Variants in SNCAIP observed in about 807,000 individuals in gnomAD.
The protein encoded by SNCAIP is synphilin-1.
Under a neutral mutation model 86.7 loss-of-function variants are expected in SNCAIP, and 43 were observed. The ratio of observed to expected loss-of-function variants is 0.50; its 90% CI spans 0.39 to 0.64. The LOEUF (loss-of-function observed/expected upper bound fraction) is 0.64. Among genes scored for constraint, SNCAIP ranks in the 30% least tolerant of loss-of-function variants. The probability of loss-of-function intolerance (pLI) is 0.00; values close to 1 mark genes in which losing one functional copy is unlikely to be tolerated. For missense variants in SNCAIP, 981 were observed against 1,103.1 expected, an observed-to-expected ratio of 0.89 and a Z score of 1.57; for synonymous variants, 417 against 427.2, an observed-to-expected ratio of 0.98 and a Z score of 0.29.
At chr5:122,330,403 G>C (rs911738152) in intron 1 of SNCAIP, among the ~76,000 whole-genome samples, 1 of 152,138 alleles carries the variant, frequency 6.6e-6, no homozygotes, top group African/African-American at 2.4e-5. Flanking sequence ...TTACAGGCGT[G>C]AGCCACCGCG....
chr5:122,436,821 T>TTGTTTA (rs1779595564), intron 6 of SNCAIP: 1 of 152,206 alleles, frequency 6.6e-6, no homozygotes, highest in Non-Finnish European at 1.5e-5. Context: ...ATTGCCTCTT[T>TTGTTTA]AAACAACTTG....
intron 10 of SNCAIP, chr5:122,452,987 C>T (rs767384194): frequency 4.1e-5 from 64 of 1,542,610 alleles, no homozygotes; most frequent in African/African-American, 8.2e-5. Flanking sequence ...ATCTGTGTAA[C>T]GACACACGGT....
chr5:122,463,153 T>C (rs1212764772), intron 10 of SNCAIP, among the ~76,000 whole-genome samples: 1 of 152,236 alleles, frequency 6.6e-6, no homozygotes, highest in Non-Finnish European at 1.5e-5. Flanking sequence ...ATTTTGTTTA[T>C]ACTCAGCCAA....
chr5:122,328,957 A>G (rs1293585689), intron 1 of SNCAIP, among the ~76,000 whole-genome samples: 2 of 151,930 alleles, frequency 1.3e-5, no homozygotes, highest in African/African-American at 4.8e-5. Context: ...TACCCTGTCA[A>G]CTCATTTCTC....
chr5:122,440,899 G>A, intron 7 of SNCAIP, 145 bp downstream of exon 7: 1 of 788,438 alleles, frequency 1.3e-6, no homozygotes, highest in South Asian at 1.6e-5. Context: ...CTCTATTTGT[G>A]TTTCCAGAAA....
At chr5:122,381,237 CAT>C (rs1375474237) in intron 1 of SNCAIP, among the ~76,000 whole-genome samples, 1 of 136,662 alleles carries the variant, frequency 7.3e-6, no homozygotes, top group Non-Finnish European at 1.6e-5. Flanking sequence ...GTATTGGGTG[CAT>C]ATATATTTAG....
intron 1 of SNCAIP, among the ~76,000 whole-genome samples, chr5:122,347,350 C>G (rs1177868671): frequency 6.7e-6 from 1 of 149,214 alleles, no homozygotes; most frequent in Non-Finnish European, 1.5e-5. Flanking sequence ...ACCAGCTCTT[C>G]TTTTTTTGAC....
chr5:122,391,244 C>A, intron 2 of SNCAIP, 53 bp downstream of exon 2: 1 of 1,238,766 alleles, frequency 8.1e-7, no homozygotes. Context: ...CCTTCAACTT[C>A]ATAGCCTACT....
At chr5:122,341,049 C>T (rs1334862320) in intron 1 of SNCAIP, among the ~76,000 whole-genome samples, 1 of 152,142 alleles carries the variant, frequency 6.6e-6, no homozygotes, top group Middle Eastern at 3.2e-3. Context: ...CCACCCTTCC[C>T]CTTCTATTCA....
intron 10 of SNCAIP, chr5:122,454,345 G>C (rs533377241): frequency 1.3e-5 from 2 of 152,784 alleles, no homozygotes; most frequent in South Asian, 2.1e-4. Context: ...CCCCTAGGGG[G>C]CTCATTAATT....
intron 5 of SNCAIP, among the ~76,000 whole-genome samples, chr5:122,429,383 C>T (rs572954002): frequency 7.8e-4 from 116 of 149,026 alleles, no homozygotes; most frequent in African/African-American, 2.3e-3. Context: ...TAATAGAGGA[C>T]GTCAATAAAA....
intron 2 of SNCAIP, among the ~76,000 whole-genome samples, chr5:122,400,015 T>C (rs758351207): frequency 4.0e-5 from 6 of 151,730 alleles, no homozygotes; most frequent in African/African-American, 7.3e-5. Context: ...GGGGCAGGGG[T>C]CAGAAAAGAT....
intron 1 of SNCAIP, among the ~76,000 whole-genome samples, chr5:122,330,113 A>ATTTTTTTTTTTTT (rs1387266417): frequency 8.3e-6 from 1 of 120,358 alleles, no homozygotes; most frequent in Non-Finnish European, 1.7e-5. Flanking sequence ...GTACAACTTC[A>ATTTTTTTTTTTTT]TTTCTTTTTT....
chr5:122,323,282 A>G (rs1286542080), intron 1 of SNCAIP: 1 of 152,238 alleles, frequency 6.6e-6, no homozygotes, highest in East Asian at 1.9e-4. Context: ...TAAAAATACA[A>G]TTTAAAAGTC....
intron 2 of SNCAIP, among the ~76,000 whole-genome samples, chr5:122,400,633 A>G (rs1375301813): frequency 1.3e-5 from 2 of 152,226 alleles, no homozygotes; most frequent in Non-Finnish European, 2.9e-5. Context: ...CCAGGGCTTC[A>G]TGGAGAAGCA....
rs557059463 is a variant in SNCAIP at position 122,411,219 on chromosome 5, G to A, written c.130+7354G>A. On this transcript the variant is annotated intron_variant, in intron 3 of 10. Coordinates refer to ENST00000261368, the MANE Select transcript of SNCAIP (RefSeq NM_005460.4). ...CAGAGAGGGACATCCTTTAGGCAGG[G>A]AGGGAAAGAACTGAAACATAGGGAC... Among the ~76,000 whole-genome samples, 107 of 152,308 alleles carry A rather than the reference G, an allele frequency of 7.0e-4. 1 individual carries two copies. The highest frequency in any genetic ancestry group is 2.4e-3 in the African/African-American group (101 of 41,550).
At position 122,408,217 on chromosome 5, in the gene SNCAIP, C is replaced by G. The variant is rs376721597; in HGVS notation, c.130+4352C>G. ...CTCCACATGTGGTCTGCTCGGAAACCTGTCAGCCCCACAGAACAGTCCCCT... is the reference window on the plus strand; with the variant it reads ...CTCCACATGTGGTCTGCTCGGAAACGTGTCAGCCCCACAGAACAGTCCCCT... On this transcript the variant is annotated intron_variant, in intron 3 of 10. Transcript: ENST00000261368. Among the ~76,000 whole-genome samples the G allele has an allele frequency of 1.6e-4, 24 of 152,330 alleles. No homozygotes were observed. The East Asian group carries it at 3.7e-3, about 23-fold the overall frequency.
intron 8 of SNCAIP, among the ~76,000 whole-genome samples, chr5:122,448,309 G>T (rs1008569514): frequency 8.6e-5 from 13 of 151,716 alleles, no homozygotes; most frequent in African/African-American, 3.1e-4. Context: ...CACAAGATTA[G>T]TGGCTTAAAA....
chr5:122,444,535 G>C (rs747915685), intron 7 of SNCAIP, 28 bp from the exon 8 acceptor site: 53 of 1,597,922 alleles, frequency 3.3e-5, no homozygotes, highest in Non-Finnish European at 4.2e-5. Flanking sequence ...GAGATGTCCT[G>C]ATACACATGT....
Sources: gnomAD v4.1 joint callset for allele counts (sites outside exome capture counted in the v4.1 genomes callset) on GRCh38, gnomAD v4.1.1 for gene constraint, MANE v1.5 for transcripts, NCBI Gene and HGNC (gene_info 2026-07-23, HGNC 2026-07-21) for gene names.